Variants in CSMD1 observed in about 807,000 individuals in gnomAD.
CSMD1 encodes CUB and Sushi multiple domains 1, also known as CUB and sushi domain-containing protein 1.
Under a neutral mutation model 417.5 loss-of-function variants are expected in CSMD1, and 213 were observed. That is an observed-to-expected ratio of 0.51 (90% confidence interval 0.46 to 0.57). CSMD1 has a LOEUF of 0.57. CSMD1 is among the 20% of genes least tolerant of loss of function. The pLI, the probability that CSMD1 is intolerant of heterozygous loss-of-function variation, is 0.00. For missense variants in CSMD1, 6,923 were observed against 4,529.7 expected (o/e 1.53, Z -15.17); for synonymous variants, 2,862 against 1,736.8 (o/e 1.65, Z -16.11).
intron 5 of CSMD1, among the ~76,000 whole-genome samples, chr8:3,824,689 A>C (rs888163377): frequency 6.6e-6 from 1 of 152,192 alleles, no homozygotes; most frequent in African/African-American, 2.4e-5. Flanking sequence ...TATTAATATT[A>C]ATTTTACCTG....
intron 5 of CSMD1, among the ~76,000 whole-genome samples, chr8:3,763,717 C>G (rs1314083149): frequency 1.3e-5 from 2 of 152,066 alleles, no homozygotes; most frequent in African/African-American, 4.8e-5. Context: ...TTGGATAAAC[C>G]CTGTACCTTT....
intron 20 of CSMD1, among the ~76,000 whole-genome samples, chr8:3,360,627 A>C (rs1809097676): frequency 6.6e-6 from 1 of 152,248 alleles, no homozygotes; most frequent in East Asian, 1.9e-4. Flanking sequence ...CAACTAAAAG[A>C]TGTGCATTAT....
Position 3,288,293 on chromosome 8 carries a change from G to A in CSMD1, c.3951-3947C>T, listed in dbSNP as rs149101832. Among the ~76,000 whole-genome samples the A allele has an allele frequency of 1.5e-3, 221 of 146,992 alleles. 34 individuals carry two copies. Among genetic ancestry groups the A allele is most frequent in the African/African-American group, 5.6e-3 (207 of 36,880 alleles). ...TTTTGTTCTTTTTCTGCCAGGCTTT[G>A]GTATGAGGATGATGTTGGCCTCATA... On this transcript the variant is annotated intron_variant, in intron 25 of 69. Coordinates refer to ENST00000635120, the MANE Select transcript of CSMD1 (RefSeq NM_033225.6).
At chr8:4,141,285 A>G (rs1803774468) in intron 3 of CSMD1, among the ~76,000 whole-genome samples, 2 of 151,200 alleles carry the variant, frequency 1.3e-5, no homozygotes, top group Non-Finnish European at 2.9e-5. Context: ...TCAGGTAGTG[A>G]AAAATCCGTA....
chr8:4,516,412 G>T (rs930606739), intron 2 of CSMD1, among the ~76,000 whole-genome samples: 4 of 152,190 alleles, frequency 2.6e-5, no homozygotes, highest in African/African-American at 9.6e-5. Flanking sequence ...ACTCCAAGCT[G>T]CTGGTGTCCA....
At position 3,761,984 on chromosome 8, in the gene CSMD1, T is replaced by C. The variant is rs538672970; in HGVS notation, c.819-7942A>G. Among the ~76,000 whole-genome samples the C allele has an allele frequency of 5.3e-5, 8 of 152,290 alleles. No homozygotes were observed. In the East Asian group the frequency reaches 1.4e-3, roughly 26 times the overall value. ...CAGTGGCCATAAGCATCCCTCTTGG[T>C]GACATCATCCACTCCTGCGACTCTA... is the stretch of plus-strand genomic sequence containing the variant. On this transcript the variant is annotated intron_variant, in intron 5 of 69. Coordinates refer to ENST00000635120, the MANE Select transcript of CSMD1 (RefSeq NM_033225.6).
At chr8:4,108,778 T>C (rs985918908) in intron 3 of CSMD1, among the ~76,000 whole-genome samples, 2 of 151,692 alleles carry the variant, frequency 1.3e-5, no homozygotes, top group Admixed American at 6.5e-5. Context: ...AGATCTGAAA[T>C]ATCTTGATTC....
intron 3 of CSMD1, among the ~76,000 whole-genome samples, chr8:4,111,607 A>G (rs535753677): frequency 6.6e-6 from 1 of 152,170 alleles, no homozygotes; most frequent in Non-Finnish European, 1.5e-5. Flanking sequence ...AAATGAAATT[A>G]TGTCCTTTGT....
intron 3 of CSMD1, among the ~76,000 whole-genome samples, chr8:4,036,430 A>G (rs1023156900): frequency 2.6e-5 from 4 of 152,244 alleles, no homozygotes; most frequent in Non-Finnish European, 5.9e-5. Flanking sequence ...TGAAGGAAAA[A>G]TATCATTAAT....
chr8:3,352,460 A>G (rs1181170181), intron 21 of CSMD1, among the ~76,000 whole-genome samples: 1 of 152,220 alleles, frequency 6.6e-6, no homozygotes, highest in Non-Finnish European at 1.5e-5. Context: ...ATAAGTTGTA[A>G]TAATACCATG....
chr8:4,595,675 G>C (rs998901354), intron 2 of CSMD1, among the ~76,000 whole-genome samples: 1 of 152,142 alleles, frequency 6.6e-6, no homozygotes, highest in Non-Finnish European at 1.5e-5. Context: ...GCTGAGGCTG[G>C]AGGATCCCTT....
Position 4,236,306 on chromosome 8 carries a change from G to C in CSMD1, c.415+183647C>G, listed in dbSNP as rs558911573. Among the ~76,000 whole-genome samples, 20 of 152,120 alleles carry C rather than the reference G, an allele frequency of 1.3e-4. No individual in the cohort carries two copies. The South Asian group carries it at 1.7e-3, about 13-fold the overall frequency. On this transcript the variant is annotated intron_variant, in intron 3 of 69. Transcript: ENST00000635120. ...GAATTCTTACAGAAACTAGAACGCA[G>C]GAAACAGTATAGTATAGTAGTTTAG...
intron 2 of CSMD1, among the ~76,000 whole-genome samples, chr8:4,462,791 C>T (rs965302014): frequency 6.7e-6 from 1 of 150,070 alleles, no homozygotes; most frequent in Non-Finnish European, 1.5e-5. Flanking sequence ...AAGAGGGTAC[C>T]CCTTCCTTAC....
At chr8:3,905,648 C>T (rs539652100) in intron 5 of CSMD1, among the ~76,000 whole-genome samples, 6 of 152,210 alleles carry the variant, frequency 3.9e-5, no homozygotes, top group Non-Finnish European at 7.3e-5. Context: ...CTGTCCCAGG[C>T]AATGCTCATA....
chr8:4,854,778 C>G (rs1441860748), intron 1 of CSMD1, among the ~76,000 whole-genome samples: 7 of 152,144 alleles, frequency 4.6e-5, no homozygotes, highest in Non-Finnish European at 1.0e-4. Flanking sequence ...CACAGAGTCT[C>G]GCTGATTGCT....
At chr8:4,948,210 C>T (rs60547292) in intron 1 of CSMD1, among the ~76,000 whole-genome samples, 35 of 151,972 alleles carry the variant, frequency 2.3e-4, no homozygotes, top group African/African-American at 3.9e-4. Flanking sequence ...ATAATATATA[C>T]GAGTTTAGTA....
At chr8:3,093,555 C>G (rs1299840897) in intron 47 of CSMD1, among the ~76,000 whole-genome samples, 1 of 152,068 alleles carries the variant, frequency 6.6e-6, no homozygotes, top group Non-Finnish European at 1.5e-5. Context: ...GTAATCCCAG[C>G]TACTCAGGAG....
intron 5 of CSMD1, among the ~76,000 whole-genome samples, chr8:3,764,693 G>C (rs542483324): frequency 6.6e-6 from 1 of 151,214 alleles, no homozygotes; most frequent in African/African-American, 2.4e-5. Flanking sequence ...GTAATCACCT[G>C]AAAATTCATG....
At chr8:3,882,183 T>C (rs903161986) in intron 5 of CSMD1, among the ~76,000 whole-genome samples, 8 of 152,042 alleles carry the variant, frequency 5.3e-5, no homozygotes, top group African/African-American at 7.2e-5. Context: ...ACAGACATCT[T>C]ACAAATCAAC....
Sources: allele counts gnomAD v4.1 joint callset (sites outside exome capture counted in the v4.1 genomes callset), GRCh38; gene constraint gnomAD v4.1.1; transcripts MANE v1.5; gene names NCBI Gene and HGNC (gene_info 2026-07-23, HGNC 2026-07-21).